The following RBFOX1 variants were observed in gnomAD, a reference collection of about 807,000 sequenced individuals.
RBFOX1 encodes RNA binding protein fox-1 homolog 1.
RBFOX1 carries 8 observed loss-of-function variants against 57.7 expected under a neutral mutation model. The observed-to-expected ratio is 0.14, with a 90% CI of 0.08 to 0.25. The LOEUF (loss-of-function observed/expected upper bound fraction) is 0.25, where lower values mean the gene tolerates loss of function less well. Ranked by LOEUF, RBFOX1 falls within the 10% of genes least tolerant of loss-of-function variation. The probability of loss-of-function intolerance (pLI) is 1.00; values close to 1 mark genes in which losing one functional copy is unlikely to be tolerated. For synonymous variants in RBFOX1, 326 were observed against 222.4 expected (o/e 1.47, Z -4.15); for missense variants, 611 against 548.5 (o/e 1.11, Z -1.14).
At chr16:7,495,749 A>G (rs1199339195) in intron 4 of RBFOX1, among the ~76,000 whole-genome samples, 1 of 152,232 alleles carries the variant, frequency 6.6e-6, no homozygotes, top group East Asian at 1.9e-4. Flanking sequence ...CACATTGGGT[A>G]CAGTACACAC....
At chr16:6,331,808 G>C (rs1046214372) in intron 2 of RBFOX1, among the ~76,000 whole-genome samples, 1 of 151,620 alleles carries the variant, frequency 6.6e-6, no homozygotes, top group African/African-American at 2.4e-5. Flanking sequence ...TATTGCCCTG[G>C]AAATGTACAA....
chr16:7,519,692 G>C, intron 5 of RBFOX1: 1 of 985,258 alleles, frequency 1.0e-6, no homozygotes, highest in Non-Finnish European at 1.2e-6. Flanking sequence ...CAATCCTGTC[G>C]TCTGGAACAT....
chr16:7,481,828 G>T (rs545033240), intron 4 of RBFOX1, among the ~76,000 whole-genome samples: 3 of 152,274 alleles, frequency 2.0e-5, no homozygotes, highest in South Asian at 4.1e-4. Flanking sequence ...TGCCTTAAAA[G>T]TTCTCAGAAC....
At chr16:6,869,158 G>A (rs899945552) in intron 3 of RBFOX1, among the ~76,000 whole-genome samples, 3 of 152,150 alleles carry the variant, frequency 2.0e-5, no homozygotes, top group Non-Finnish European at 2.9e-5. Flanking sequence ...TTGCTTACCT[G>A]TCATATCTTC....
At chr16:6,834,077 T>G (rs978387452) in intron 3 of RBFOX1, among the ~76,000 whole-genome samples, 2 of 152,066 alleles carry the variant, frequency 1.3e-5, no homozygotes, top group Non-Finnish European at 2.9e-5. Context: ...CTATTTTTAT[T>G]TTTTTGAGGC....
chr16:6,169,104 A>G lies in RBFOX1; in HGVS notation c.-126-147891A>G, dbSNP rs537992618. 2.6e-5 allele frequency among the ~76,000 whole-genome samples: 4 copies of G among 152,248 alleles called. No individual in the cohort carries two copies. In the East Asian group the frequency reaches 5.8e-4, roughly 22 times the overall value. On this transcript the variant is annotated intron_variant, in intron 1 of 15. Transcript: ENST00000550418. ...TTCGGATTTGTAGAAAAATGGATAG[A>G]AGGGATGACTCCAGGCAGATTAGCA...
intron 1 of RBFOX1, among the ~76,000 whole-genome samples, chr16:6,060,035 C>G (rs1034422857): frequency 1.0e-4 from 15 of 148,080 alleles, no homozygotes; most frequent in African/African-American, 3.8e-4. Flanking sequence ...CTTTCCCACT[C>G]TGTTTGTTGT....
rs397969435 is a variant in RBFOX1, at chr16:6,448,156, C to CTTTTTTTTTTTTTTT, written c.-64+131106_-64+131120dup. Among the ~76,000 whole-genome samples, 49 of 78,472 alleles carry CTTTTTTTTTTTTTTT rather than the reference C, an allele frequency of 6.2e-4. 1 individual carries two copies. Among genetic ancestry groups the CTTTTTTTTTTTTTTT allele is most frequent in the East Asian group, 9.3e-4 (2 of 2,162 alleles). 51.5% of individuals were successfully genotyped at this position (78,472 alleles called of 152,430 possible). ...TTCTTTTTTTTCTTTTCTTTTCTTT[C>CTTTTTTTTTTTTTTT]TTTTTTTTTTTTTTTTTTTTTGAGA... On this transcript the variant is annotated intron_variant, in intron 2 of 15. Transcript: ENST00000550418.
chr16:7,253,354 G>C (rs1318638732), intron 4 of RBFOX1, among the ~76,000 whole-genome samples: 1 of 152,118 alleles, frequency 6.6e-6, no homozygotes, highest in Non-Finnish European at 1.5e-5. Context: ...GTCAGGCTTT[G>C]GTTTCTGGTT....
chr16:7,064,739 TA>T lies in RBFOX1; in HGVS notation c.27+12645del, dbSNP rs137868299. Among the ~76,000 whole-genome samples the T allele has an allele frequency of 9.9e-5, 15 of 152,240 alleles. No homozygotes were observed. The East Asian group carries it at 2.9e-3, about 29-fold the overall frequency. On this transcript the variant is annotated intron_variant, in intron 4 of 15. Coordinates refer to ENST00000550418, the MANE Select transcript of RBFOX1 (RefSeq NM_018723.4). ...TCGTGAGAATCAAATACATTGCTAC[TA>T]AAATCAAAAGCAAATGAACAACCAA...
At chr16:6,916,563 C>G (rs1026680792) in intron 3 of RBFOX1, among the ~76,000 whole-genome samples, 5 of 151,412 alleles carry the variant, frequency 3.3e-5, no homozygotes, top group Non-Finnish European at 5.9e-5. Flanking sequence ...TTTAAGAAAT[C>G]CCATAAATCA....
At chr16:6,404,325 G>A (rs2093194286) in intron 2 of RBFOX1, among the ~76,000 whole-genome samples, 2 of 152,136 alleles carry the variant, frequency 1.3e-5, no homozygotes, top group Admixed American at 1.3e-4. Context: ...TTTGCTGTCA[G>A]GGACTTGAGC....
At chr16:6,641,757 AAAAAAAAAAAAAAAAAAAAAAT>A (rs1345596326) in intron 2 of RBFOX1, among the ~76,000 whole-genome samples, 16 of 22,512 alleles carry the variant, frequency 7.1e-4, no homozygotes, top group African/African-American at 2.1e-3. Flanking sequence ...AAAAAAAAAA[AAAAAAAAAAAAAAAAAAAAAAT>A]AGGTTCTGCC....
chr16:6,452,213 T>C (rs373009156), intron 2 of RBFOX1, among the ~76,000 whole-genome samples: 1 of 150,366 alleles, frequency 6.7e-6, no homozygotes, highest in Admixed American at 6.6e-5. Context: ...CTTCCTTCCA[T>C]GACTCCACCC....
At chr16:5,647,018 G>A (rs1410180787) in intron 3 of RBFOX1, among the ~76,000 whole-genome samples, 6 of 152,162 alleles carry the variant, frequency 3.9e-5, no homozygotes, top group Non-Finnish European at 8.8e-5. Context: ...AGGGAAGGAT[G>A]CAGATGCCAT....
chr16:5,243,595 C>G (rs540115802), intron 1 of RBFOX1, among the ~76,000 whole-genome samples: 15 of 152,240 alleles, frequency 9.9e-5, no homozygotes, highest in Middle Eastern at 3.4e-3. Context: ...TATGGCTACC[C>G]CAGATGTCTC....
chr16:6,394,455 C>G (rs188433224), intron 2 of RBFOX1, among the ~76,000 whole-genome samples: 5 of 151,722 alleles, frequency 3.3e-5, no homozygotes, highest in African/African-American at 1.2e-4. Context: ...AAGAATATTG[C>G]TTCTTGCAAA....
chr16:7,414,096 A>G (rs571937006), intron 4 of RBFOX1, among the ~76,000 whole-genome samples: 7 of 152,340 alleles, frequency 4.6e-5, no homozygotes, highest in African/African-American at 1.4e-4. Context: ...ACATGTTACA[A>G]AGAAACCAGA....
chr16:5,653,810 G>T (rs1310242612), intron 3 of RBFOX1, among the ~76,000 whole-genome samples: 3 of 152,204 alleles, frequency 2.0e-5, no homozygotes, highest in Non-Finnish European at 4.4e-5. Context: ...CAGGCCATAT[G>T]TGCCCTCTTA....
Sources: gnomAD v4.1 joint callset for allele counts (sites outside exome capture counted in the v4.1 genomes callset) on GRCh38, gnomAD v4.1.1 for gene constraint, MANE v1.5 for transcripts, NCBI Gene and HGNC (gene_info 2026-07-23, HGNC 2026-07-21) for gene names.